The following TAP2 variants were observed in gnomAD, a reference collection of about 807,000 sequenced individuals.
The protein encoded by TAP2 is antigen peptide transporter 2.
In TAP2, 49 loss-of-function variants were observed where a neutral mutation model predicts 74.7. That is an observed-to-expected ratio of 0.66 (90% CI 0.52 to 0.83). The LOEUF (loss-of-function observed/expected upper bound fraction) is 0.83. TAP2 is among the 40% of genes least tolerant of loss of function. The pLI is 0.00. For missense variants in TAP2, 739 were observed against 859.0 expected (o/e 0.86, Z 1.75); for synonymous variants, 306 against 368.4 (o/e 0.83, Z 1.94).
chr6:32,823,395 TTTACA>T (rs1346181864), downstream of TAP2, among the ~76,000 whole-genome samples: 1 of 149,184 alleles, frequency 6.7e-6, no homozygotes, highest in Admixed American at 6.6e-5. Context: ...AATTTTATAC[TTTACA>T]TTATAAAGTG....
At position 32,825,990 on chromosome 6, in the gene TAP2, T is replaced by C. The variant is rs1768624450; in HGVS notation, c.*2916A>G. 1 of 983,616 alleles carries C rather than the reference T, an allele frequency of 1.0e-6. No individual in the cohort carries two copies. The highest frequency in any genetic ancestry group is 1.8e-5 in the African/African-American group (1 of 55,844). 60.9% of individuals were successfully genotyped at this position (983,616 alleles called of 1,614,324 possible). A position where few individuals can be genotyped will look rare whatever the true frequency, so the allele number is the denominator to read the frequency against. On this transcript the variant is annotated 3_prime_UTR_variant, in exon 12 of 12. Coordinates refer to ENST00000374897, the MANE Select transcript of TAP2 (RefSeq NM_001290043.2). ...AGCACCAGTGAATGCTTAGTAGTAG[T>C]AGTAGTCTAATTCCTAAGAGTCCAT... is the stretch of plus-strand genomic sequence containing the variant.
chr6:32,835,221 G>C lies in TAP2; in HGVS notation c.878C>G (p.Thr293Ser). ...GFMLSISPRLTLLSLLHMPFT... is the reference protein window; with the variant it reads ...GFMLSISPRLSLLSLLHMPFT... ...GGGCATGTGCAGCAGAGAAAGGAGG[G>C]TGAGTCGAGGCGATATGCTGAGCAT... The change falls in exon 5 of 12, where the codon ACC (threonine) becomes AGC (serine). Residue 293 changes from threonine to serine, a missense_variant. Coordinates refer to ENST00000374897, the MANE Select transcript of TAP2 (RefSeq NM_001290043.2). The surrounding 1 kb of genome is among the most constrained non-coding windows in gnomAD (Gnocchi z 4.0). 1.2e-6 allele frequency: 2 copies of C among 1,613,054 alleles called. No individual in the cohort carries two copies. Among genetic ancestry groups the C allele is most frequent in the South Asian group, 2.2e-5 (2 of 91,080 alleles).
Position 32,832,626 on chromosome 6 carries a change from C to T in TAP2, c.1143+1G>A. 6.2e-7 allele frequency: 1 copy of T among 1,613,112 alleles called. No homozygotes were observed. The highest frequency in any genetic ancestry group is 8.5e-7 in the Non-Finnish European group (1 of 1,180,044). ...CTTTCACAACCACTCTGGTATCTTA[C>T]CCTCCTTACGAGCAGGTACAAGGCG... On this transcript the variant is annotated splice_donor_variant, in intron 6 of 11. Coordinates refer to ENST00000374897, the MANE Select transcript of TAP2 (RefSeq NM_001290043.2). LOFTEE classifies it high-confidence loss of function. The surrounding 1 kb of genome is among the most constrained non-coding windows in gnomAD (Gnocchi z 5.9).
chr6:32,823,429 ATTTTTTTTTT>A (rs9280195), downstream of TAP2, among the ~76,000 whole-genome samples: 1 of 64,572 alleles, frequency 1.5e-5, no homozygotes, highest in African/African-American at 7.3e-5. Flanking sequence ...GTCACACTCA[ATTTTTTTTTT>A]TTTTTTTTTT....
In TAP2 at chr6:32,830,690, A is replaced by G. The variant is rs779595482; in HGVS notation, c.1389T>C (p.Thr463=). The G allele has an allele frequency of 5.0e-6, 8 of 1,612,968 alleles. No individual in the cohort carries two copies. In the South Asian group the frequency reaches 5.5e-5, roughly 11 times the overall value. The part of the protein sequence containing the change: ...LPSPGTLAPT[T]LQGVVKFQDV... ...CTTGGAATTTCACAACCCCCTGCAG[A>G]GTGGTGGGGGCAAGCGTGCCAGGTG... The change falls in exon 8 of 12, where the codon ACT becomes ACC. Residue 463 remains threonine, a synonymous_variant. Coordinates refer to ENST00000374897, the MANE Select transcript of TAP2 (RefSeq NM_001290043.2).
rs115360810 is a variant in TAP2, at chr6:32,828,533, A to G, written c.*373T>C. 0.023 allele frequency: 22,835 copies of G among 977,974 alleles called. 310 individuals carry two copies. Among genetic ancestry groups the G allele is most frequent in the Non-Finnish European group, 0.026 (21,741 of 821,930 alleles). 60.6% of individuals were successfully genotyped at this position (977,974 alleles called of 1,614,324 possible). On this transcript the variant is annotated 3_prime_UTR_variant, in exon 12 of 12. Transcript: ENST00000374897. ...ACTTTTCTTCTTTGTACTTTTTTAT[A>G]TTGTCTAAATTTTCTATATGAATGT...
Position 32,834,509 on chromosome 6 carries a change from T to C in TAP2, c.945+645A>G, listed in dbSNP as rs566414392. Among the ~76,000 whole-genome samples the C allele has an allele frequency of 2.0e-5, 3 of 152,298 alleles. No homozygotes were observed. The South Asian group carries it at 6.2e-4, about 32-fold the overall frequency. ...GTTGGGGGTAGTAGGCAGTTACTAT[T>C]TAGTGGGTACAGAGTTTCATTTTAG... is the stretch of plus-strand genomic sequence containing the variant. On this transcript the variant is annotated intron_variant, in intron 5 of 11. Coordinates refer to ENST00000374897, the MANE Select transcript of TAP2 (RefSeq NM_001290043.2).
chr6:32,830,765 T>C lies in TAP2; in HGVS notation c.1314A>G (p.Gly438=), dbSNP rs1015866918. The stretch of plus-strand genomic sequence containing the variant: ...TGTAGGAGAAAACCTTCTCTGCAGC[T>C]CCCACGTTGCTGAGCATATCCCCAT... ...YIYGDMLSNV[G]AAEKVFSYMD... Residue 438 remains glycine, a synonymous_variant, in exon 8 of 12, where the codon GGA becomes GGG. Coordinates refer to ENST00000374897, the MANE Select transcript of TAP2 (RefSeq NM_001290043.2). 3 of 1,612,646 alleles carry C rather than the reference T, an allele frequency of 1.9e-6. No individual in the cohort carries two copies. In the African/African-American group the frequency reaches 4.0e-5, roughly 22 times the overall value.
At chr6:32,838,266 T>C in intron 1 of TAP2, 29 bp from the exon 2 acceptor site, 1 of 1,530,220 alleles carries the variant, frequency 6.5e-7, no homozygotes. Flanking sequence ...TGAGAAATCA[T>C]GGGGGTGGAG....
In TAP2 at chr6:32,830,681, C is replaced by A. The variant is rs137982419; in HGVS notation, c.1398G>T (p.Gly466=). Reference sequence around the variant, plus strand: ...AGGAGACGTCTTGGAATTTCACAACCCCCTGCAGAGTGGTGGGGGCAAGCG... The same window carrying A: ...AGGAGACGTCTTGGAATTTCACAACACCCTGCAGAGTGGTGGGGGCAAGCG... The part of the protein sequence containing the change: ...PGTLAPTTLQ[G]VVKFQDVSFA... Residue 466 remains glycine (G), a synonymous_variant, in exon 8 of 12, where the codon GGG becomes GGT. Coordinates refer to ENST00000374897, the MANE Select transcript of TAP2 (RefSeq NM_001290043.2). 5 of 1,613,060 alleles carry A rather than the reference C, an allele frequency of 3.1e-6. No individual in the cohort carries two copies. Among genetic ancestry groups the A allele is most frequent in the Non-Finnish European group, 4.2e-6 (5 of 1,180,028 alleles).
chr6:32,822,170 C>G (rs1276013129), downstream of TAP2: 1 of 851,548 alleles, frequency 1.2e-6, no homozygotes, highest in Admixed American at 2.5e-5. Flanking sequence ...CTATTTGCCT[C>G]AATTTCCCTG....
At chr6:32,823,108 CA>C (rs1768408119), downstream of TAP2, among the ~76,000 whole-genome samples, 1 of 151,878 alleles carries the variant, frequency 6.6e-6, no homozygotes, top group Non-Finnish European at 1.5e-5. Flanking sequence ...TTGGTAGAGA[CA>C]GGGTTTCACC....
At chr6:32,836,913 G>C (rs761209948) in intron 3 of TAP2, among the ~76,000 whole-genome samples, 1 of 152,188 alleles carries the variant, frequency 6.6e-6, no homozygotes, top group Non-Finnish European at 1.5e-5. Flanking sequence ...CTGGGATTTG[G>C]GTAAGGTGAG....
At chr6:32,837,512 A>G in intron 3 of TAP2, 25 bp downstream of exon 3, 9 of 1,603,062 alleles carry the variant, frequency 5.6e-6, no homozygotes, top group Non-Finnish European at 6.0e-6. Flanking sequence ...GGGCTAGCAA[A>G]TGGACCCAGC....
chr6:32,838,465 TAAAA>T (rs9282316), intron 1 of TAP2, among the ~76,000 whole-genome samples, 184 bp downstream of exon 1: 132 of 136,022 alleles, frequency 9.7e-4, no homozygotes, highest in Middle Eastern at 3.7e-3. Context: ...GCCTCGTGCT[TAAAA>T]AAAAAAAAAA....
At chr6:32,834,377 C>A (rs79595056) in intron 5 of TAP2, among the ~76,000 whole-genome samples, 3,691 of 152,304 alleles carry the variant, frequency 0.024, 113 homozygotes, top group East Asian at 0.15. Flanking sequence ...GTAAAATATG[C>A]CAGTCACAAA....
In TAP2 at chr6:32,828,478, T is replaced by A. The variant is rs1768799516; in HGVS notation, c.*428A>T. ...GGCAGCAAAATAGCAACTATGGTTA[T>A]CTCCAGGAAGTGAAACAATGGGTAC... On this transcript the variant is annotated 3_prime_UTR_variant, in exon 12 of 12. Transcript: ENST00000374897. 2 of 978,374 alleles carry A rather than the reference T, an allele frequency of 2.0e-6. No individual in the cohort carries two copies. Among genetic ancestry groups the A allele is most frequent in the Admixed American group, 6.1e-5 (1 of 16,404 alleles). 60.6% of individuals were successfully genotyped at this position (978,374 alleles called of 1,614,324 possible).
intron 5 of TAP2, among the ~76,000 whole-genome samples, chr6:32,833,361 C>A (rs1769215873): frequency 6.6e-6 from 1 of 152,004 alleles, no homozygotes; most frequent in African/African-American, 2.4e-5. Context: ...AGTGAAAAAG[C>A]AACCATGAAA....
chr6:32,830,335 T>G lies in TAP2; in HGVS notation c.1567A>C (p.Thr523Pro). ...AALLQNLYQPTGGQVLLDEKP... is the reference protein window; with the variant it reads ...AALLQNLYQPPGGQVLLDEKP... ...TCATCCAGCAGCACCTGTCCCCCTGTGGGCTGGTACAGATTCTGCAGCAGG... is the reference window on the plus strand; with the variant it reads ...TCATCCAGCAGCACCTGTCCCCCTGGGGGCTGGTACAGATTCTGCAGCAGG... The change falls in exon 9 of 12, where the codon ACA becomes CCA. Residue 523 changes from threonine to proline, a missense_variant. Physicochemically the swap from Thr to Pro is conservative, Grantham distance 38. Transcript: ENST00000374897. 1.2e-6 allele frequency: 2 copies of G among 1,613,118 alleles called. No homozygotes were observed. The highest frequency in any genetic ancestry group is 2.7e-5 in the African/African-American group (2 of 75,058).
Sources: gnomAD v4.1 joint callset for allele counts (sites outside exome capture counted in the v4.1 genomes callset) on GRCh38, gnomAD v4.1.1 for gene constraint, Gnocchi (gnomAD v3.1) non-coding constraint, MANE v1.5 for transcripts, NCBI Gene and HGNC (gene_info 2026-07-23, HGNC 2026-07-21) for gene names.